Variants in SNRNP27 observed in about 807,000 individuals in gnomAD.
SNRNP27 encodes the protein U4/U6.U5 small nuclear ribonucleoprotein 27 kDa protein.
A neutral mutation model predicts 25.1 loss-of-function variants in SNRNP27; 22 were observed. The observed-to-expected ratio is 0.88, with a 90% CI of 0.63 to 1.25. The LOEUF (loss-of-function observed/expected upper bound fraction) is 1.25, where lower values mean the gene tolerates loss of function less well. SNRNP27 is among the 50% of genes most tolerant of loss of function. SNRNP27 has a pLI of 0.00. For missense variants in SNRNP27, 150 were observed against 202.3 expected (o/e 0.74, Z 1.57); for synonymous variants, 66 against 64.9 (o/e 1.02, Z -0.08).
At chr2:69,896,813 A>G (rs1676611469) in intron 3 of SNRNP27, among the ~76,000 whole-genome samples, 1 of 151,604 alleles carries the variant, frequency 6.6e-6, no homozygotes, top group Non-Finnish European at 1.5e-5. Context: ...AGTTGGGATT[A>G]CAGGCACCCG....
chr2:69,903,080 G>C, intron 4 of SNRNP27, 101 bp from the exon 5 acceptor site: 1 of 916,600 alleles, frequency 1.1e-6, no homozygotes, highest in Non-Finnish European at 1.8e-6. Flanking sequence ...CAAGTAGCTG[G>C]GAGTACAGGT....
chr2:69,896,874 A>G (rs1368547099), intron 3 of SNRNP27, among the ~76,000 whole-genome samples: 1 of 151,900 alleles, frequency 6.6e-6, no homozygotes. Flanking sequence ...GGTTCTCACC[A>G]TGTTAGCCAG....
rs1401171807 is a variant in SNRNP27, at chr2:69,904,243, TCTC to T, written c.414-10_414-8del. On this transcript the variant is annotated splice_region_variant and splice_polypyrimidine_tract_variant and intron_variant, in intron 5 of 5. Transcript: ENST00000244227. Reference sequence around the variant, plus strand: ...TAAAAAAAAACAATGAATTTTCTCTTCTCATCATAGGCAGTACATGAATCGAAA... The same window carrying T: ...TAAAAAAAAACAATGAATTTTCTCTTATCATAGGCAGTACATGAATCGAAA... 1 of 1,575,928 alleles carries T rather than the reference TCTC, an allele frequency of 6.3e-7. No homozygotes were observed. The highest frequency in any genetic ancestry group is 1.4e-5 in the African/African-American group (1 of 72,570).
At chr2:69,896,203 C>A (rs1401247156) in intron 2 of SNRNP27, among the ~76,000 whole-genome samples, 1 of 152,114 alleles carries the variant, frequency 6.6e-6, no homozygotes, top group African/African-American at 2.4e-5. Flanking sequence ...CATTTTTCTG[C>A]CTTCCAGAAA....
intron 3 of SNRNP27, 74 bp downstream of exon 3, chr2:69,896,622 T>C: frequency 7.1e-7 from 1 of 1,405,898 alleles, no homozygotes; most frequent in South Asian, 1.3e-5. Flanking sequence ...TCTTGAACAT[T>C]TAAATGTTAA....
intron 4 of SNRNP27, among the ~76,000 whole-genome samples, chr2:69,902,046 T>C (rs565379578): frequency 1.3e-5 from 2 of 152,348 alleles, no homozygotes; most frequent in East Asian, 3.9e-4. Flanking sequence ...TTTCTCAGCA[T>C]GCTTTGCACA....
At chr2:69,896,340 C>T (rs1045658384) in intron 2 of SNRNP27, 96 bp from the exon 3 acceptor site, 5 of 1,145,608 alleles carry the variant, frequency 4.4e-6, no homozygotes, top group East Asian at 2.4e-5. Context: ...CGGAATGACT[C>T]GTGGTTCTGT....
chr2:69,900,735 A>G (rs1309871158), intron 4 of SNRNP27, among the ~76,000 whole-genome samples: 2 of 152,226 alleles, frequency 1.3e-5, no homozygotes, highest in African/African-American at 4.8e-5. Flanking sequence ...ATACTCATCT[A>G]AGTCATTTTC....
chr2:69,898,494 C>G (rs185346545), intron 4 of SNRNP27, among the ~76,000 whole-genome samples: 3 of 152,228 alleles, frequency 2.0e-5, no homozygotes, highest in Admixed American at 6.5e-5. Flanking sequence ...TTTAAAATCT[C>G]TTTTCTAGAA....
intron 2 of SNRNP27, among the ~76,000 whole-genome samples, chr2:69,896,053 T>A (rs894160445): frequency 9.2e-5 from 14 of 151,500 alleles, no homozygotes; most frequent in African/African-American, 3.1e-4. Flanking sequence ...GCAATCCTCC[T>A]GCCTCTGCTT....
chr2:69,904,474 A>G lies in SNRNP27; in HGVS notation c.*166A>G, dbSNP rs532606939. 8.9e-6 allele frequency: 6 copies of G among 670,592 alleles called. No individual in the cohort carries two copies. The South Asian group carries it at 1.0e-4, about 11-fold the overall frequency. The allele number at this position is 670,592 out of a possible 1,614,324, so 41.5% of individuals were successfully genotyped here. ...TATGCAGTTAACTTACCTTGCCTCA[A>G]CAGAAGAAAGGTTAAATATTACATT... is the stretch of plus-strand genomic sequence containing the variant. On this transcript the variant is annotated 3_prime_UTR_variant, in exon 6 of 6. Coordinates refer to ENST00000244227, the MANE Select transcript of SNRNP27 (RefSeq NM_006857.3).
Position 69,904,896 on chromosome 2 carries a change from A to C in SNRNP27, c.*588A>C, listed in dbSNP as rs759791275. ...GCATTACATGCAAAAAAAAGATCTCAGAGAAAACAAAAGTAAAAGAAAAGC... is the reference window on the plus strand; with the variant it reads ...GCATTACATGCAAAAAAAAGATCTCCGAGAAAACAAAAGTAAAAGAAAAGC... On this transcript the variant is annotated 3_prime_UTR_variant, in exon 6 of 6. Coordinates refer to ENST00000244227, the MANE Select transcript of SNRNP27 (RefSeq NM_006857.3). 6.6e-6 allele frequency: 1 copy of C among 151,518 alleles called. No individual in the cohort carries two copies. The highest frequency in any genetic ancestry group is 1.5e-5 in the Non-Finnish European group (1 of 67,978). The allele number at this position is 151,518 out of a possible 1,614,324, so 9.4% of individuals were successfully genotyped here.
intron 4 of SNRNP27, among the ~76,000 whole-genome samples, chr2:69,898,153 C>T (rs1256469384): frequency 1.0e-5 from 1 of 98,466 alleles, no homozygotes; most frequent in Non-Finnish European, 1.9e-5. Flanking sequence ...CAGGCTGGGA[C>T]CCTGAGTGAT....
Position 69,903,334 on chromosome 2 carries a change from T to C in SNRNP27, c.413+89T>C, listed in dbSNP as rs562767432. On this transcript the variant is annotated intron_variant, in intron 5 of 5. Transcript: ENST00000244227. Reference sequence around the variant, plus strand: ...ATGAGATAATCATGTTTGTAGGAAATGTAGCAGTTTTCCATACTGTTCCTT... The same window carrying C: ...ATGAGATAATCATGTTTGTAGGAAACGTAGCAGTTTTCCATACTGTTCCTT... The C allele has an allele frequency of 5.4e-5, 51 of 951,904 alleles. No homozygotes were observed. The African/African-American group carries it at 7.3e-4, about 14-fold the overall frequency. 59.0% of individuals were successfully genotyped at this position (951,904 alleles called of 1,614,324 possible).
intron 3 of SNRNP27, 108 bp downstream of exon 3, chr2:69,896,656 A>T: frequency 2.8e-6 from 3 of 1,072,480 alleles, no homozygotes; most frequent in South Asian, 1.8e-5. Context: ...TTCATTGCAT[A>T]TGGTTTTGAG....
chr2:69,902,968 G>C (rs2104127323), intron 4 of SNRNP27, among the ~76,000 whole-genome samples: 1 of 108,818 alleles, frequency 9.2e-6, no homozygotes, highest in South Asian at 2.9e-4. Context: ...TTTGAGACTG[G>C]ATCATGCTCA....
chr2:69,904,728 T>G lies in SNRNP27; in HGVS notation c.*420T>G, dbSNP rs1344397699. ...CTCCCCAGACATTTTCTTTTTTTTT[T>G]CACACATAGATTTAAGTATCTTGAT... On this transcript the variant is annotated 3_prime_UTR_variant, in exon 6 of 6. Transcript: ENST00000244227. 1 of 207,166 alleles carries G rather than the reference T, an allele frequency of 4.8e-6. No individual in the cohort carries two copies. The highest frequency in any genetic ancestry group is 9.5e-6 in the Non-Finnish European group (1 of 104,734). The allele number at this position is 207,166 out of a possible 1,614,324, so 12.8% of individuals were successfully genotyped here.
Position 69,903,181 on chromosome 2 carries a change from G to C in SNRNP27, c.349G>C (p.Gly117Arg). ...CTGTTTGTTTATTGTTTTTCTTCAG[G>C]GTAAGAAGGTGGATGGCTCTGTAAA... Reference protein sequence around the residue: ...MGFASFDSTKGKKVDGSVNAY... With the variant: ...MGFASFDSTKRKKVDGSVNAY... Residue 117 changes from glycine to arginine, a missense_variant and splice_region_variant, in exon 5 of 6, where the codon GGT (glycine) becomes CGT (arginine). Transcript: ENST00000244227. 6.2e-7 allele frequency: 1 copy of C among 1,611,138 alleles called. No individual in the cohort carries two copies. Among genetic ancestry groups the C allele is most frequent in the Non-Finnish European group, 8.5e-7 (1 of 1,177,738 alleles).
intron 2 of SNRNP27, among the ~76,000 whole-genome samples, chr2:69,895,502 C>A (rs1368977680): frequency 1.3e-5 from 2 of 152,150 alleles, no homozygotes; most frequent in Non-Finnish European, 2.9e-5. Context: ...ATTTTTGTTT[C>A]TTTCTTCCGT....
Sources: allele counts gnomAD v4.1 joint callset (sites outside exome capture counted in the v4.1 genomes callset), GRCh38; gene constraint gnomAD v4.1.1; transcripts MANE v1.5; gene names NCBI Gene and HGNC (gene_info 2026-07-23, HGNC 2026-07-21).